The following STYXL2 variants were observed in gnomAD, a reference collection of about 807,000 sequenced individuals.
The protein encoded by STYXL2 is serine/threonine/tyrosine-interacting-like protein 2.
A neutral mutation model predicts 52.4 loss-of-function variants in STYXL2; 44 were observed. That is an observed-to-expected ratio of 0.84 (90% CI 0.66 to 1.08). STYXL2 has a LOEUF of 1.08. Ranked by LOEUF, STYXL2 falls within the 50% of genes least tolerant of loss-of-function variation. STYXL2 has a pLI of 0.00. For synonymous variants in STYXL2, 604 were observed against 586.9 expected, an observed-to-expected ratio of 1.03 and a Z score of -0.42; for missense variants, 1,604 against 1,471.7, an observed-to-expected ratio of 1.09 and a Z score of -1.47.
rs762479721 is a variant in STYXL2, at chr1:167,127,938, A to G, written c.2807A>G (p.Asn936Ser). Residue 936 changes from asparagine (N) to serine (S), a missense_variant, in exon 6 of 6, where the codon AAT (asparagine) becomes AGT (serine). By Grantham distance (46) the Asn-to-Ser change is conservative. Transcript: ENST00000361200. ...RVGKEMDSSINKWLSGLRTEE... is the reference protein window; with the variant it reads ...RVGKEMDSSISKWLSGLRTEE... ...GGCAAAGAGATGGATAGCAGTATTAATAAGTGGCTCAGTGGCCTCAGGACG... is the reference window on the plus strand; with the variant it reads ...GGCAAAGAGATGGATAGCAGTATTAGTAAGTGGCTCAGTGGCCTCAGGACG... 4 of 1,614,078 alleles carry G rather than the reference A, an allele frequency of 2.5e-6. No individual in the cohort carries two copies. Among genetic ancestry groups the G allele is most frequent in the Admixed American group, 1.7e-5 (1 of 60,016 alleles).
intron 2 of STYXL2, among the ~76,000 whole-genome samples, chr1:167,111,513 T>TATATATAC (rs1211215448): frequency 2.0e-5 from 1 of 50,136 alleles, no homozygotes; most frequent in Non-Finnish European, 3.2e-5. Flanking sequence ...TATATATATA[T>TATATATAC]ACACACACAC....
At chr1:167,099,654 AAACTCCTATTCATTGCTGGTG>A (rs1667361334) in intron 2 of STYXL2, among the ~76,000 whole-genome samples, 1 of 152,254 alleles carries the variant, frequency 6.6e-6, no homozygotes, top group Non-Finnish European at 1.5e-5. Flanking sequence ...GAAGCAATCA[AAACTCCTATTCATTGCTGGTG>A]AGAGTGTAAA....
Position 167,128,495 on chromosome 1 carries a change from A to G in STYXL2, c.3364A>G (p.Arg1122Gly). Residue 1122 changes from arginine (R) to glycine (G), a missense_variant, in exon 6 of 6, where the codon AGA becomes GGA. Coordinates refer to ENST00000361200, the MANE Select transcript of STYXL2 (RefSeq NM_001080426.3). ...FASGRRSQYR[R>G]STDREEEEEM... ...ATCTGGACGGCGGTCCCAGTATCGG[A>G]GAAGCACTGACAGGGAGGAAGAGGA... is the stretch of plus-strand genomic sequence containing the variant. 1.9e-6 allele frequency: 3 copies of G among 1,614,000 alleles called. No homozygotes were observed. Among genetic ancestry groups the G allele is most frequent in the Non-Finnish European group, 2.5e-6 (3 of 1,179,954 alleles).
At chr1:167,122,949 AGCCACT>A (rs1427050732) in intron 5 of STYXL2, among the ~76,000 whole-genome samples, 7 of 152,318 alleles carry the variant, frequency 4.6e-5, no homozygotes, top group African/African-American at 1.7e-4. Flanking sequence ...TACAGGTGTG[AGCCACT>A]GCACCCAGCC....
Position 167,125,882 on chromosome 1 carries a change from G to A in STYXL2, c.751G>A (p.Ala251Thr), listed in dbSNP as rs956457416. The stretch of plus-strand genomic sequence containing the variant: ...CTTCCACAACATGGCCATCCTGGAG[G>A]CTTTGATGACCGTGCGTAAGAAGCG... ...MIFHNMAILEALMTVRKKRAI... is the reference protein window; with the variant it reads ...MIFHNMAILETLMTVRKKRAI... The change falls in exon 6 of 6, where the codon GCT becomes ACT. Residue 251 changes from alanine (A) to threonine (T), a missense_variant. Ala to Thr is a moderately conservative substitution (Grantham distance 58). Transcript: ENST00000361200. 1.2e-6 allele frequency: 2 copies of A among 1,614,144 alleles called. No homozygotes were observed. Among genetic ancestry groups the A allele is most frequent in the Non-Finnish European group, 1.7e-6 (2 of 1,180,028 alleles).
intron 2 of STYXL2, among the ~76,000 whole-genome samples, chr1:167,108,530 T>G (rs1215034371): frequency 1.3e-5 from 2 of 152,074 alleles, no homozygotes; most frequent in Non-Finnish European, 2.9e-5. Context: ...ACACAACCGC[T>G]ATCGTAAAAC....
In STYXL2 at chr1:167,126,425, C is replaced by G. The variant is rs756467892; in HGVS notation, c.1294C>G (p.Arg432Gly). 6.4e-7 allele frequency: 1 copy of G among 1,563,538 alleles called. No individual in the cohort carries two copies. The highest frequency in any genetic ancestry group is 2.4e-5 in the East Asian group (1 of 42,022). Residue 432 changes from arginine to glycine, a missense_variant, in exon 6 of 6, where the codon CGC becomes GGC. Arg to Gly is a moderately radical substitution (Grantham distance 125, BLOSUM62 -2). Coordinates refer to ENST00000361200, the MANE Select transcript of STYXL2 (RefSeq NM_001080426.3). ...DAGSSVGRRRRTLSESSAWES... is the reference protein window; with the variant it reads ...DAGSSVGRRRGTLSESSAWES... ...TGGCTCCTCGGTGGGGAGGCGGCGG[C>G]GCACCCTGAGCGAGAGCAGCGCCTG...
chr1:167,118,540 A>G (rs1410050748), intron 4 of STYXL2, among the ~76,000 whole-genome samples: 1 of 152,224 alleles, frequency 6.6e-6, no homozygotes, highest in Non-Finnish European at 1.5e-5. Context: ...ATACAGAAGC[A>G]TTCATCTTAC....
chr1:167,098,165 C>T (rs899930821), intron 2 of STYXL2, among the ~76,000 whole-genome samples: 1 of 151,972 alleles, frequency 6.6e-6, no homozygotes, highest in Non-Finnish European at 1.5e-5. Flanking sequence ...GTGCAAGCTA[C>T]CCCACCCAGC....
intron 2 of STYXL2, among the ~76,000 whole-genome samples, chr1:167,099,259 C>T (rs2102221177): frequency 6.6e-6 from 1 of 152,116 alleles, no homozygotes; most frequent in Non-Finnish European, 1.5e-5. Flanking sequence ...ATCTCAGCAA[C>T]TGATAAAATA....
chr1:167,113,408 A>T (rs535318003), intron 2 of STYXL2, among the ~76,000 whole-genome samples: 1 of 152,212 alleles, frequency 6.6e-6, no homozygotes, highest in South Asian at 2.1e-4. Flanking sequence ...AAGAAAGTGA[A>T]GCCACATCAG....
intron 2 of STYXL2, among the ~76,000 whole-genome samples, chr1:167,100,467 G>A (rs1667381167): frequency 6.6e-6 from 1 of 152,172 alleles, no homozygotes; most frequent in Non-Finnish European, 1.5e-5. Flanking sequence ...CAAAGGGGCA[G>A]GGGTGAAGGG....
Position 167,127,268 on chromosome 1 carries a change from G to T in STYXL2, c.2137G>T (p.Gly713Trp). The change falls in exon 6 of 6, where the codon GGG becomes TGG. Residue 713 changes from glycine (G) to tryptophan (W), a missense_variant. Transcript: ENST00000361200. ...PTTPLPNLPV[G>W]PGDTISIASI... ...CACACCCCTGCCTAACCTGCCAGTG[G>T]GGCCTGGAGACACCATTTCCATTGC... The T allele has an allele frequency of 6.2e-7, 1 of 1,614,198 alleles. No homozygotes were observed. The highest frequency in any genetic ancestry group is 8.5e-7 in the Non-Finnish European group (1 of 1,180,024).
chr1:167,106,868 G>A (rs1667515009), intron 2 of STYXL2, among the ~76,000 whole-genome samples: 1 of 152,196 alleles, frequency 6.6e-6, no homozygotes, highest in African/African-American at 2.4e-5. Context: ...GAGTGCCTAA[G>A]CATTTGCTTA....
At position 167,125,659 on chromosome 1, in the gene STYXL2, T is replaced by C. The variant is rs1000604278; in HGVS notation, c.656-128T>C. The C allele has an allele frequency of 2.7e-5, 37 of 1,375,698 alleles. 1 individual carries two copies. The highest frequency in any genetic ancestry group is 6.3e-5 in the Admixed American group (2 of 31,900). 85.2% of individuals were successfully genotyped at this position (1,375,698 alleles called of 1,614,324 possible). A position where few individuals can be genotyped will look rare whatever the true frequency, so the allele number is the denominator to read the frequency against. ...TCCTGTGTCTTGAGCCCGGATGAACTTCAGAGGCAAAGTAAACACCTTAAG... is the reference window on the plus strand; with the variant it reads ...TCCTGTGTCTTGAGCCCGGATGAACCTCAGAGGCAAAGTAAACACCTTAAG... On this transcript the variant is annotated intron_variant, in intron 5 of 5. Coordinates refer to ENST00000361200, the MANE Select transcript of STYXL2 (RefSeq NM_001080426.3).
chr1:167,113,182 G>A (rs16858460), intron 2 of STYXL2, among the ~76,000 whole-genome samples: 12,470 of 152,096 alleles, frequency 0.082, 599 homozygotes, highest in East Asian at 0.16. Flanking sequence ...TTCATCTTTA[G>A]CATTGCACTT....
At chr1:167,102,227 G>A (rs1040087058) in intron 2 of STYXL2, among the ~76,000 whole-genome samples, 3 of 152,034 alleles carry the variant, frequency 2.0e-5, no homozygotes, top group East Asian at 1.9e-4. Context: ...ATGGCTTCAC[G>A]GATGTATACA....
rs1375393163 is a variant in STYXL2 at position 167,126,963 on chromosome 1, T to C, written c.1832T>C (p.Leu611Pro). The C allele has an allele frequency of 6.2e-7, 1 of 1,610,210 alleles. No homozygotes were observed. The highest frequency in any genetic ancestry group is 8.5e-7 in the Non-Finnish European group (1 of 1,178,188). ...GAGAACAAGGAGGAGGTGGTGGAGC[T>C]CAGCAAGGGGGAGGACTCGGCCTTG... ...GSENKEEVVE[L>P]SKGEDSALAK... Residue 611 changes from leucine (L) to proline (P), a missense_variant, in exon 6 of 6, where the codon CTC becomes CCC. Leu to Pro is a moderately conservative substitution (Grantham distance 98). Coordinates refer to ENST00000361200, the MANE Select transcript of STYXL2 (RefSeq NM_001080426.3).
At chr1:167,098,232 G>T in intron 2 of STYXL2, among the ~76,000 whole-genome samples, 1 of 151,850 alleles carries the variant, frequency 6.6e-6, no homozygotes, top group East Asian at 1.9e-4. Context: ...GCATTGTCTC[G>T]ATCTCTTGAC....
Sources: allele counts gnomAD v4.1 joint callset (sites outside exome capture counted in the v4.1 genomes callset), GRCh38; gene constraint gnomAD v4.1.1; transcripts MANE v1.5; gene names NCBI Gene and HGNC (gene_info 2026-07-23, HGNC 2026-07-21).